Variants in EXOC6B observed in about 807,000 individuals in gnomAD.
EXOC6B encodes exocyst complex component 6B, also known as SEC15 homolog B.
A neutral mutation model predicts 113.5 loss-of-function variants in EXOC6B; 54 were observed. The ratio of observed to expected loss-of-function variants is 0.48; its 90% CI spans 0.38 to 0.60. EXOC6B has a LOEUF of 0.60. EXOC6B is among the 20% of genes least tolerant of loss of function. The probability of loss-of-function intolerance (pLI) is 0.00; values close to 1 mark genes in which losing one functional copy is unlikely to be tolerated. For missense variants in EXOC6B, 797 were observed against 977.5 expected (o/e 0.82, Z 2.46); for synonymous variants, 357 against 339.0 (o/e 1.05, Z -0.58).
chr2:72,754,890 A>ATTAC (rs1682310679), intron 1 of EXOC6B, among the ~76,000 whole-genome samples: 1 of 152,068 alleles, frequency 6.6e-6, no homozygotes, highest in Admixed American at 6.6e-5. Flanking sequence ...AACTGGTGAG[A>ATTAC]TTACAAGTGT....
chr2:72,512,421 A>G (rs879633474), intron 11 of EXOC6B, among the ~76,000 whole-genome samples: 43 of 132,886 alleles, frequency 3.2e-4, no homozygotes, highest in Non-Finnish European at 5.7e-4. Flanking sequence ...GGAAGGAAGG[A>G]AGGAAAGAAG....
At chr2:72,279,737 C>T (rs1006291420) in intron 20 of EXOC6B, among the ~76,000 whole-genome samples, 1 of 152,122 alleles carries the variant, frequency 6.6e-6, no homozygotes, top group African/African-American at 2.4e-5. Context: ...CCTCAGCCTC[C>T]CGAGTAGCTG....
chr2:72,407,008 C>T (rs543468724), intron 18 of EXOC6B, among the ~76,000 whole-genome samples: 271 of 151,902 alleles, frequency 1.8e-3, no homozygotes, highest in African/African-American at 5.5e-3. Context: ...ATCAAATAGA[C>T]GCAATAAAAA....
chr2:72,413,627 G>A (rs1244874294), intron 18 of EXOC6B, among the ~76,000 whole-genome samples: 1 of 151,086 alleles, frequency 6.6e-6, no homozygotes, highest in Non-Finnish European at 1.5e-5. Flanking sequence ...AGATTGCAGT[G>A]AGCTGAGATC....
At chr2:72,480,817 A>T in intron 16 of EXOC6B, 67 bp from the exon 17 acceptor site, 1 of 1,467,376 alleles carries the variant, frequency 6.8e-7, no homozygotes. Flanking sequence ...GCTCAATATG[A>T]ATCTGCCGGT....
intron 19 of EXOC6B, among the ~76,000 whole-genome samples, chr2:72,370,021 T>G (rs1441606226): frequency 6.6e-6 from 1 of 152,076 alleles, no homozygotes; most frequent in Non-Finnish European, 1.5e-5. Context: ...GGGATCTCAT[T>G]AAACTAAAGA....
At chr2:72,480,076 C>T (rs1225898745) in intron 17 of EXOC6B, among the ~76,000 whole-genome samples, 18 of 151,836 alleles carry the variant, frequency 1.2e-4, no homozygotes, top group African/African-American at 2.4e-4. Flanking sequence ...TGGTGGCACA[C>T]GCCTATAATC....
At chr2:72,540,863 CA>C (rs947786111) in intron 8 of EXOC6B, among the ~76,000 whole-genome samples, 1 of 152,198 alleles carries the variant, frequency 6.6e-6, no homozygotes, top group Non-Finnish European at 1.5e-5. Flanking sequence ...TTTACTATCA[CA>C]ACCTTTGCAG....
At chr2:72,699,992 T>C (rs374354014) in intron 6 of EXOC6B, among the ~76,000 whole-genome samples, 19 of 152,330 alleles carry the variant, frequency 1.2e-4, no homozygotes, top group African/African-American at 3.6e-4. Context: ...GGTGTAACAT[T>C]TGCATATAAC....
chr2:72,629,170 A>T (rs1438827082), intron 6 of EXOC6B, among the ~76,000 whole-genome samples: 2 of 152,156 alleles, frequency 1.3e-5, no homozygotes, highest in African/African-American at 4.8e-5. Flanking sequence ...TGCTTCACTT[A>T]TATTCCCTTG....
At chr2:72,407,997 G>A (rs192667524) in intron 18 of EXOC6B, among the ~76,000 whole-genome samples, 3 of 152,288 alleles carry the variant, frequency 2.0e-5, no homozygotes, top group Non-Finnish European at 4.4e-5. Context: ...TCCTTAAGCT[G>A]ATAGGCAACT....
At chr2:72,604,961 T>A (rs904256781) in intron 6 of EXOC6B, among the ~76,000 whole-genome samples, 5 of 152,178 alleles carry the variant, frequency 3.3e-5, no homozygotes, top group Admixed American at 2.6e-4. Context: ...TCCCATAAAA[T>A]CTGAAAGCAA....
intron 6 of EXOC6B, among the ~76,000 whole-genome samples, chr2:72,694,741 T>C (rs992086278): frequency 3.9e-5 from 6 of 152,222 alleles, no homozygotes; most frequent in Non-Finnish European, 7.4e-5. Flanking sequence ...GCTGTGTATA[T>C]ACACATGGCC....
intron 8 of EXOC6B, among the ~76,000 whole-genome samples, chr2:72,547,540 T>C (rs951528646): frequency 6.6e-6 from 1 of 152,212 alleles, no homozygotes; most frequent in Non-Finnish European, 1.5e-5. Context: ...TGGATACATT[T>C]ATAGGTTTGC....
intron 20 of EXOC6B, among the ~76,000 whole-genome samples, chr2:72,219,103 T>C (rs1680712772): frequency 6.6e-6 from 1 of 152,150 alleles, no homozygotes; most frequent in South Asian, 2.1e-4. Context: ...TGGCATTCCA[T>C]AGTGATAATA....
chr2:72,776,741 A>C (rs187899334), intron 1 of EXOC6B, among the ~76,000 whole-genome samples: 2 of 152,228 alleles, frequency 1.3e-5, no homozygotes, highest in African/African-American at 4.8e-5. Context: ...GACATAATAC[A>C]TATATAACAT....
intron 21 of EXOC6B, among the ~76,000 whole-genome samples, chr2:72,183,304 G>C (rs1678209664): frequency 6.6e-6 from 1 of 152,186 alleles, no homozygotes; most frequent in Non-Finnish European, 1.5e-5. Flanking sequence ...TTTTATATGG[G>C]TCTTGGTCTC....
At chr2:72,651,675 A>C (rs1422806956) in intron 6 of EXOC6B, among the ~76,000 whole-genome samples, 1 of 152,164 alleles carries the variant, frequency 6.6e-6, no homozygotes, top group African/African-American at 2.4e-5. Context: ...GCTGGACTGC[A>C]AGCTCCGCCT....
chr2:72,654,643 G>A (rs542404069), intron 6 of EXOC6B, among the ~76,000 whole-genome samples: 1 of 152,102 alleles, frequency 6.6e-6, no homozygotes. Flanking sequence ...AAGAGAATGA[G>A]GAATCTTTTC....
Sources: gnomAD v4.1 joint callset for allele counts (sites outside exome capture counted in the v4.1 genomes callset) on GRCh38, gnomAD v4.1.1 for gene constraint, MANE v1.5 for transcripts, NCBI Gene and HGNC (gene_info 2026-07-23, HGNC 2026-07-21) for gene names.